The following RXRG variants were observed in gnomAD, a reference collection of about 807,000 sequenced individuals.
The protein encoded by RXRG is retinoic acid receptor RXR-gamma.
RXRG carries 19 observed loss-of-function variants against 49.2 expected under a neutral mutation model. The ratio of observed to expected loss-of-function variants is 0.39; its 90% CI spans 0.27 to 0.57. The LOEUF (loss-of-function observed/expected upper bound fraction) is 0.57, where lower values mean the gene tolerates loss of function less well. Among genes scored for constraint, RXRG ranks in the 20% least tolerant of loss-of-function variants. The pLI is 0.64. For synonymous variants in RXRG, 224 were observed against 216.6 expected, an observed-to-expected ratio of 1.03 and a Z score of -0.30; for missense variants, 452 against 592.5, an observed-to-expected ratio of 0.76 and a Z score of 2.46.
chr1:165,417,992 T>C (rs1196552933), intron 3 of RXRG, among the ~76,000 whole-genome samples: 2 of 151,606 alleles, frequency 1.3e-5, no homozygotes, highest in Non-Finnish European at 2.9e-5. Flanking sequence ...ATGCCTGTGG[T>C]CTCAGCTACT....
intron 8 of RXRG, 142 bp downstream of exon 8, chr1:165,408,085 C>G: frequency 1.5e-6 from 1 of 686,268 alleles, no homozygotes; most frequent in South Asian, 1.8e-5. Context: ...ATGGCTCTAG[C>G]TGACACTGTG....
chr1:165,401,782 T>A (rs1310777896), intron 9 of RXRG, among the ~76,000 whole-genome samples: 1 of 152,222 alleles, frequency 6.6e-6, no homozygotes, highest in Non-Finnish European at 1.5e-5. Context: ...CCCGCACAGA[T>A]CTGCTGAGGC....
At chr1:165,415,624 T>C (rs570542856) in intron 4 of RXRG, among the ~76,000 whole-genome samples, 1 of 152,238 alleles carries the variant, frequency 6.6e-6, no homozygotes, top group East Asian at 1.9e-4. Flanking sequence ...AGACAAGACT[T>C]CCTCACCCGC....
In RXRG at chr1:165,401,433, C is replaced by G. The variant is rs769045056; in HGVS notation, c.1245-23G>C. 7.4e-6 allele frequency: 12 copies of G among 1,612,660 alleles called. No individual in the cohort carries two copies. In the East Asian group the frequency reaches 2.7e-4, roughly 36 times the overall value. ...AACCTGCAGGGAAGCCAAGAGGCAT[C>G]AGGGACAGGGACGGGCAGGCACTGC... On this transcript the variant is annotated intron_variant, in intron 9 of 9. Coordinates refer to ENST00000359842, the MANE Select transcript of RXRG (RefSeq NM_006917.5).
rs563673515 is a variant in RXRG, at chr1:165,426,877, C to G, written c.297+1842G>C. On this transcript the variant is annotated intron_variant, in intron 2 of 9. Transcript: ENST00000359842. The stretch of plus-strand genomic sequence containing the variant: ...GCTCATGACATACTCCAAAGGCCAG[C>G]AGGCTTGAGACCCAGGAAGAGCAAA... Among the ~76,000 whole-genome samples, 100 of 152,290 alleles carry G rather than the reference C, an allele frequency of 6.6e-4. 3 individuals are homozygous for G. The South Asian group carries it at 0.02, about 31-fold the overall frequency.
rs764291709 is a variant in RXRG at position 165,444,833 on chromosome 1, G to C, written c.49+12C>G. On this transcript the variant is annotated intron_variant, in intron 1 of 9. Coordinates refer to ENST00000359842, the MANE Select transcript of RXRG (RefSeq NM_006917.5). ...ACAGGTCCACGCAGTGAAGCCCAAGGGAGATACTTACCTCCATAGCCTGCG... is the reference window on the plus strand; with the variant it reads ...ACAGGTCCACGCAGTGAAGCCCAAGCGAGATACTTACCTCCATAGCCTGCG... 6.2e-7 allele frequency: 1 copy of C among 1,613,266 alleles called. No homozygotes were observed. The highest frequency in any genetic ancestry group is 2.2e-5 in the East Asian group (1 of 44,874).
intron 8 of RXRG, among the ~76,000 whole-genome samples, chr1:165,407,866 A>G (rs201112444): frequency 1.4e-5 from 2 of 138,458 alleles, no homozygotes; most frequent in Non-Finnish European, 3.2e-5. Context: ...AAAAAAAAAA[A>G]CCCAGAGAGT....
chr1:165,403,925 C>A (rs1192430011), intron 9 of RXRG, among the ~76,000 whole-genome samples: 1 of 152,252 alleles, frequency 6.6e-6, no homozygotes, highest in African/African-American at 2.4e-5. Context: ...AGGTTAGCAG[C>A]AAGGGGCATT....
chr1:165,417,775 T>A (rs1236720972), intron 3 of RXRG, among the ~76,000 whole-genome samples: 1 of 152,180 alleles, frequency 6.6e-6, no homozygotes. Context: ...TATCATCATA[T>A]GACAATCAAG....
chr1:165,437,559 T>A lies in RXRG; in HGVS notation c.49+7286A>T, dbSNP rs527723081. ...ATCTATAGAGATTGCCCTGTTCAGA[T>A]AGAGAGAGCCTATCTGAACAAGAAA... On this transcript the variant is annotated intron_variant, in intron 1 of 9. Transcript: ENST00000359842. 8.5e-5 allele frequency among the ~76,000 whole-genome samples: 13 copies of A among 152,200 alleles called. 1 individual carries two copies. The South Asian group carries it at 2.1e-3, about 24-fold the overall frequency.
Position 165,444,899 on chromosome 1 carries a change from C to T in RXRG, c.-6G>A, listed in dbSNP as rs1659112706. The T allele has an allele frequency of 3.7e-6, 6 of 1,609,390 alleles. No homozygotes were observed. In the Admixed American group the frequency reaches 8.3e-5, roughly 22 times the overall value. ...TGAGAATAATTTCCATACATGTTTA[C>T]TCGTCAGTTCATGTTCCTCTCCTGT... On this transcript the variant is annotated 5_prime_UTR_variant, in exon 1 of 10. Coordinates refer to ENST00000359842, the MANE Select transcript of RXRG (RefSeq NM_006917.5).
At position 165,419,889 on chromosome 1, in the gene RXRG, G is replaced by T; in HGVS notation, c.423C>A (p.Ile141=). Residue 141 remains isoleucine, a synonymous_variant, in exon 3 of 10, where the codon ATC becomes ATA. Transcript: ENST00000359842. ...ATGTACCTGAGGATCTGTCTCCACA[G>T]ATGGCACAGATGTGTTTAACCAGAG... ...PGSLVKHICA[I]CGDRSSGKHY... 1 of 1,610,678 alleles carries T rather than the reference G, an allele frequency of 6.2e-7. No individual in the cohort carries two copies.
intron 1 of RXRG, among the ~76,000 whole-genome samples, chr1:165,438,501 C>T (rs762634258): frequency 7.9e-5 from 12 of 152,124 alleles, no homozygotes; most frequent in South Asian, 2.1e-4. Context: ...ATTAAGCACA[C>T]GGCTTGGCAC....
At position 165,413,065 on chromosome 1, in the gene RXRG, T is replaced by A. The variant is rs542462472; in HGVS notation, c.623-1956A>T. Among the ~76,000 whole-genome samples the A allele has an allele frequency of 5.9e-5, 9 of 152,314 alleles. No homozygotes were observed. In the South Asian group the frequency reaches 1.5e-3, roughly 25 times the overall value. On this transcript the variant is annotated intron_variant, in intron 4 of 9. Coordinates refer to ENST00000359842, the MANE Select transcript of RXRG (RefSeq NM_006917.5). ...AGCTTCAGAGAAAATATCCTTGGTG[T>A]CAGGGAATTTGATTCGAATTCTGGT...
intron 2 of RXRG, among the ~76,000 whole-genome samples, chr1:165,424,149 A>G (rs1037012189): frequency 6.6e-6 from 1 of 152,186 alleles, no homozygotes; most frequent in African/African-American, 2.4e-5. Flanking sequence ...CCTATATCAC[A>G]TTATCTACAA....
chr1:165,418,097 C>A (rs192186922), intron 3 of RXRG, among the ~76,000 whole-genome samples: 7 of 106,754 alleles, frequency 6.6e-5, no homozygotes, highest in Non-Finnish European at 1.0e-4. Context: ...AGTGACAGAG[C>A]GAGATCCCGT....
At chr1:165,425,163 A>G (rs994461630) in intron 2 of RXRG, among the ~76,000 whole-genome samples, 2 of 152,210 alleles carry the variant, frequency 1.3e-5, no homozygotes, top group East Asian at 3.9e-4. Flanking sequence ...AGCTCTGAAG[A>G]TGAATTGACT....
chr1:165,407,064 C>G, intron 8 of RXRG, 147 bp from the exon 9 acceptor site: 1 of 589,100 alleles, frequency 1.7e-6, no homozygotes, highest in Non-Finnish European at 3.0e-6. Context: ...TTCATGCCCC[C>G]TTGCTCTTCT....
chr1:165,435,161 A>G (rs1322030988), intron 1 of RXRG, among the ~76,000 whole-genome samples: 2 of 152,240 alleles, frequency 1.3e-5, no homozygotes, highest in African/African-American at 4.8e-5. Context: ...AAGTAAGCAC[A>G]TAATGTAAAC....
Sources: gnomAD v4.1 joint callset for allele counts (sites outside exome capture counted in the v4.1 genomes callset) on GRCh38, gnomAD v4.1.1 for gene constraint, MANE v1.5 for transcripts, NCBI Gene and HGNC (gene_info 2026-07-23, HGNC 2026-07-21) for gene names.